CTNNA3: variants seen among roughly 807,000 people sequenced by gnomAD.
The protein encoded by CTNNA3 is catenin alpha 3.
CTNNA3 carries 76 observed loss-of-function variants against 95.7 expected under a neutral mutation model. The observed-to-expected ratio is 0.79, with a 90% CI of 0.66 to 0.96. The LOEUF is 0.96. CTNNA3 is among the 40% of genes least tolerant of loss of function. The pLI is 0.00. For missense variants in CTNNA3, 1,191 were observed against 1,089.8 expected, an observed-to-expected ratio of 1.09 and a Z score of -1.31; for synonymous variants, 431 against 374.4, an observed-to-expected ratio of 1.15 and a Z score of -1.74.
At chr10:67,567,906 T>C (rs58133546) in intron 3 of CTNNA3, among the ~76,000 whole-genome samples, 21,005 of 152,068 alleles carry the variant, frequency 0.14, 1,729 homozygotes, top group East Asian at 0.31. Flanking sequence ...TATGGGGTTA[T>C]GGTATTTTGT....
At chr10:66,524,759 A>C (rs1408467695) in intron 10 of CTNNA3, among the ~76,000 whole-genome samples, 1 of 152,062 alleles carries the variant, frequency 6.6e-6, no homozygotes, top group Non-Finnish European at 1.5e-5. Context: ...TTAAAAAGAA[A>C]AAAAAATAGG....
At chr10:67,156,640 A>T (rs902181053) in intron 7 of CTNNA3, among the ~76,000 whole-genome samples, 4 of 150,304 alleles carry the variant, frequency 2.7e-5, no homozygotes, top group Middle Eastern at 3.4e-3. Context: ...CTGTGGTCAG[A>T]AAAAAAAAAT....
chr10:66,616,576 T>C (rs558957846), intron 10 of CTNNA3, among the ~76,000 whole-genome samples: 55 of 152,204 alleles, frequency 3.6e-4, no homozygotes, highest in Middle Eastern at 3.4e-3. Flanking sequence ...CTAAATATGC[T>C]CCAAGTGACA....
Position 67,170,339 on chromosome 10 carries a change from G to A in CTNNA3, c.1047+9978C>T, listed in dbSNP as rs529930819. 2.0e-5 allele frequency among the ~76,000 whole-genome samples: 3 copies of A among 152,218 alleles called. No individual in the cohort carries two copies. The South Asian group carries it at 6.2e-4, about 32-fold the overall frequency. ...TGTACACGAATGTTCATTGCAGCAT[G>A]ATTCACAGCAAAAACATGGAATCAA... On this transcript the variant is annotated intron_variant, in intron 7 of 17. Transcript: ENST00000433211.
chr10:66,199,765 CTATATATA>C (rs59585958), intron 13 of CTNNA3, among the ~76,000 whole-genome samples: 58 of 30,694 alleles, frequency 1.9e-3, no homozygotes, highest in East Asian at 2.5e-3. Flanking sequence ...CCACGCCTGG[CTATATATA>C]TATATATATA....
At chr10:66,957,401 T>TATATGC (rs1554886312) in intron 7 of CTNNA3, among the ~76,000 whole-genome samples, 26 of 30,604 alleles carry the variant, frequency 8.5e-4, no homozygotes, top group Middle Eastern at 0.016. Flanking sequence ...TACATATATA[T>TATATGC]ATATATATAT....
chr10:66,415,696 C>A (rs2093140589), intron 11 of CTNNA3, among the ~76,000 whole-genome samples: 1 of 152,168 alleles, frequency 6.6e-6, no homozygotes, highest in Non-Finnish European at 1.5e-5. Flanking sequence ...TCCTCAATAA[C>A]TGGACCCTAA....
chr10:67,754,212 G>A (rs1841421855), intron 1 of CTNNA3, among the ~76,000 whole-genome samples: 1 of 152,068 alleles, frequency 6.6e-6, no homozygotes, highest in Non-Finnish European at 1.5e-5. Flanking sequence ...ACTCACACAG[G>A]AACAGAAAAC....
chr10:66,606,969 C>A (rs185219836), intron 10 of CTNNA3, among the ~76,000 whole-genome samples: 138 of 151,832 alleles, frequency 9.1e-4, no homozygotes, highest in African/African-American at 3.2e-3. Flanking sequence ...AAAAAGCATT[C>A]GAAAGATCAA....
intron 12 of CTNNA3, among the ~76,000 whole-genome samples, chr10:66,288,305 TCA>T (rs956585697): frequency 6.6e-5 from 10 of 152,086 alleles, no homozygotes; most frequent in African/African-American, 2.4e-4. Context: ...TAGATTTGTC[TCA>T]GAGTAGTTTT....
chr10:66,487,377 A>AT (rs1478186280), intron 11 of CTNNA3, among the ~76,000 whole-genome samples: 1 of 151,030 alleles, frequency 6.6e-6, no homozygotes, highest in Non-Finnish European at 1.5e-5. Context: ...AATTTTTTGT[A>AT]TTTTTAGTAG....
chr10:67,319,252 C>G (rs2132547389), intron 5 of CTNNA3, among the ~76,000 whole-genome samples: 1 of 152,266 alleles, frequency 6.6e-6, no homozygotes, highest in East Asian at 1.9e-4. Context: ...TAGTCTTTCC[C>G]AGACTTTGCT....
At chr10:66,907,985 C>T (rs138108767) in intron 7 of CTNNA3, among the ~76,000 whole-genome samples, 7 of 152,272 alleles carry the variant, frequency 4.6e-5, no homozygotes, top group African/African-American at 1.7e-4. Context: ...ATTATGATTT[C>T]AGAAGACATT....
At chr10:66,285,741 A>G (rs991442916) in intron 12 of CTNNA3, among the ~76,000 whole-genome samples, 2 of 151,780 alleles carry the variant, frequency 1.3e-5, no homozygotes, top group Non-Finnish European at 2.9e-5. Flanking sequence ...GAATTCTCAA[A>G]TGTTTAAATT....
intron 7 of CTNNA3, among the ~76,000 whole-genome samples, chr10:66,973,119 T>C (rs1849819518): frequency 6.6e-6 from 1 of 152,200 alleles, no homozygotes; most frequent in African/African-American, 2.4e-5. Flanking sequence ...TAAGATCAAA[T>C]GAACAGTTCT....
intron 5 of CTNNA3, among the ~76,000 whole-genome samples, chr10:67,500,712 G>A (rs1839200769): frequency 6.6e-6 from 1 of 152,096 alleles, no homozygotes; most frequent in African/African-American, 2.4e-5. Flanking sequence ...ATCTTTGTTG[G>A]TTTAAAGTCG....
At chr10:66,055,646 GGGCGTGAT>G (rs2080066450) in intron 15 of CTNNA3, among the ~76,000 whole-genome samples, 1 of 150,990 alleles carries the variant, frequency 6.6e-6, no homozygotes, top group Admixed American at 6.6e-5. Flanking sequence ...AAAATCGGCC[GGGCGTGAT>G]GGCTTACGCC....
intron 14 of CTNNA3, 59 bp from the exon 15 acceptor site, chr10:66,069,548 A>G: frequency 7.7e-7 from 1 of 1,290,754 alleles, no homozygotes; most frequent in South Asian, 1.4e-5. Flanking sequence ...CATTTTAGGA[A>G]TAAGTAGATA....
intron 7 of CTNNA3, among the ~76,000 whole-genome samples, chr10:67,056,004 T>C (rs1299689844): frequency 1.3e-5 from 2 of 152,126 alleles, no homozygotes; most frequent in Admixed American, 1.3e-4. Context: ...ACCTCTTATG[T>C]TCTTTTGCCA....
Sources: gnomAD v4.1 joint callset for allele counts (sites outside exome capture counted in the v4.1 genomes callset) on GRCh38, gnomAD v4.1.1 for gene constraint, MANE v1.5 for transcripts, NCBI Gene and HGNC (gene_info 2026-07-23, HGNC 2026-07-21) for gene names.